The following IMMP2L variants were observed in gnomAD, a reference collection of about 807,000 sequenced individuals.
IMMP2L encodes mitochondrial inner membrane protease subunit 2.
In IMMP2L, 18 loss-of-function variants were observed where a neutral mutation model predicts 19.3. The observed-to-expected ratio is 0.93, with a 90% CI of 0.64 to 1.38. IMMP2L has a LOEUF of 1.38. Ranked by LOEUF, IMMP2L falls within the 40% of genes most tolerant of loss-of-function variation. IMMP2L has a pLI of 0.00. For missense variants in IMMP2L, 233 were observed against 218.2 expected (o/e 1.07, Z -0.43); for synonymous variants, 76 against 73.0 (o/e 1.04, Z -0.21).
At chr7:110,942,082 T>C (rs935807682) in intron 4 of IMMP2L, among the ~76,000 whole-genome samples, 1 of 151,996 alleles carries the variant, frequency 6.6e-6, no homozygotes, top group Non-Finnish European at 1.5e-5. Flanking sequence ...TGTTAATTGG[T>C]TGCTCTAGGT....
chr7:110,744,521 C>T (rs1397271140), intron 5 of IMMP2L, among the ~76,000 whole-genome samples: 1 of 152,126 alleles, frequency 6.6e-6, no homozygotes, highest in Non-Finnish European at 1.5e-5. Flanking sequence ...CTGGTGGGTG[C>T]CCCTCCGGGT....
chr7:111,287,702 G>A (rs1385354345), intron 3 of IMMP2L, among the ~76,000 whole-genome samples: 1 of 152,104 alleles, frequency 6.6e-6, no homozygotes, highest in Non-Finnish European at 1.5e-5. Flanking sequence ...GCCCAGAGTT[G>A]GAGGGAATTG....
intron 3 of IMMP2L, among the ~76,000 whole-genome samples, chr7:110,982,338 C>G (rs988882261): frequency 6.6e-6 from 1 of 152,128 alleles, no homozygotes; most frequent in Non-Finnish European, 1.5e-5. Context: ...TCAGAACTCT[C>G]TATTTAAGGC....
intron 1 of IMMP2L, among the ~76,000 whole-genome samples, chr7:111,526,395 T>C (rs1450998689): frequency 6.6e-6 from 1 of 152,194 alleles, no homozygotes; most frequent in Non-Finnish European, 1.5e-5. Context: ...GAAAGCAGCA[T>C]CAAAATGCTA....
chr7:111,339,618 A>T (rs1826810808), intron 3 of IMMP2L, among the ~76,000 whole-genome samples: 2 of 151,970 alleles, frequency 1.3e-5, no homozygotes, highest in African/African-American at 2.4e-5. Context: ...AGGAGTAATT[A>T]AACAAACTAC....
intron 3 of IMMP2L, among the ~76,000 whole-genome samples, chr7:111,375,754 C>T (rs1047197719): frequency 6.6e-6 from 1 of 152,038 alleles, no homozygotes; most frequent in Non-Finnish European, 1.5e-5. Context: ...GAACTCTTCA[C>T]CTCAAGTGAT....
intron 3 of IMMP2L, among the ~76,000 whole-genome samples, chr7:111,406,938 G>A (rs1314257115): frequency 6.6e-6 from 1 of 152,042 alleles, no homozygotes; most frequent in Non-Finnish European, 1.5e-5. Context: ...AACCTCTGCA[G>A]TGGGTATAGT....
intron 3 of IMMP2L, among the ~76,000 whole-genome samples, chr7:111,228,056 AAAT>A (rs1425524828): frequency 1.3e-5 from 2 of 152,158 alleles, no homozygotes; most frequent in Non-Finnish European, 2.9e-5. Context: ...AATCTATCAG[AAAT>A]AATGTCAGGA....
At position 111,539,196 on chromosome 7, in the gene IMMP2L, GAGAAAGAAAGAAAGAAAGAAAGAAAGAA is replaced by G. The variant is rs56749626; in HGVS notation, c.-2-17775_-2-17748del. Among the ~76,000 whole-genome samples the G allele has an allele frequency of 6.2e-3, 185 of 30,034 alleles. 8 individuals carry two copies. The highest frequency in any genetic ancestry group is 0.026 in the African/African-American group (158 of 5,964). 19.7% of individuals were successfully genotyped at this position (30,034 alleles called of 152,430 possible). A position where few individuals can be genotyped will look rare whatever the true frequency, so the allele number is the denominator to read the frequency against. ...GGAAGGAAGGAAGGAAGGAAGGAGG[GAGAAAGAAAGAAAGAAAGAAAGAAAGAA>G]AGAAAGAAAGAAAGAAAGAAAGAAA... On this transcript the variant is annotated intron_variant, in intron 1 of 5. Transcript: ENST00000405709.
intron 3 of IMMP2L, among the ~76,000 whole-genome samples, chr7:111,249,431 A>G (rs969130188): frequency 9.0e-4 from 132 of 147,450 alleles, no homozygotes; most frequent in Non-Finnish European, 1.8e-3. Flanking sequence ...GGCACTCCCT[A>G]GTGAGATGAA....
intron 2 of IMMP2L, among the ~76,000 whole-genome samples, chr7:111,510,611 G>A (rs935890744): frequency 4.6e-5 from 7 of 151,954 alleles, no homozygotes; most frequent in Non-Finnish European, 1.0e-4. Flanking sequence ...CATAACCCTG[G>A]AGACAATTTC....
chr7:111,451,402 G>A (rs1475308494), intron 3 of IMMP2L, among the ~76,000 whole-genome samples: 3 of 150,458 alleles, frequency 2.0e-5, no homozygotes, highest in African/African-American at 4.9e-5. Flanking sequence ...ATGAGTTCAT[G>A]TCCTTTGTAG....
chr7:110,981,390 C>T (rs1291684332), intron 3 of IMMP2L, among the ~76,000 whole-genome samples: 1 of 151,958 alleles, frequency 6.6e-6, no homozygotes, highest in Non-Finnish European at 1.5e-5. Flanking sequence ...TCTGGTCATG[C>T]CTTATACAGC....
intron 2 of IMMP2L, among the ~76,000 whole-genome samples, chr7:111,488,280 C>T (rs1444219766): frequency 6.6e-6 from 1 of 151,874 alleles, no homozygotes; most frequent in Non-Finnish European, 1.5e-5. Flanking sequence ...TCTGGTGCAC[C>T]CATCACCCGA....
chr7:111,542,110 TA>T (rs1232501197), intron 1 of IMMP2L, among the ~76,000 whole-genome samples: 3 of 152,094 alleles, frequency 2.0e-5, no homozygotes, highest in Non-Finnish European at 4.4e-5. Context: ...ACATAAAATA[TA>T]AAAATATTTG....
intron 3 of IMMP2L, among the ~76,000 whole-genome samples, chr7:111,309,278 A>G (rs1355087240): frequency 1.3e-5 from 2 of 152,200 alleles, no homozygotes; most frequent in Non-Finnish European, 2.9e-5. Context: ...TAAGAATTCT[A>G]TGCCAGGCAA....
At chr7:110,732,472 A>G (rs757830563) in intron 5 of IMMP2L, among the ~76,000 whole-genome samples, 8 of 152,122 alleles carry the variant, frequency 5.3e-5, no homozygotes, top group Non-Finnish European at 1.2e-4. Context: ...ATGATTTGAG[A>G]GCTTGAAATA....
chr7:110,740,155 T>C (rs1276251362), intron 5 of IMMP2L, among the ~76,000 whole-genome samples: 1 of 151,854 alleles, frequency 6.6e-6, no homozygotes, highest in Non-Finnish European at 1.5e-5. Context: ...CTCACAAAAC[T>C]GTAGAAACAA....
In IMMP2L at chr7:111,289,822, T is replaced by C. The variant is rs1393509912; in HGVS notation, c.239+197416A>G. Among the ~76,000 whole-genome samples, 8 of 152,050 alleles carry C rather than the reference T, an allele frequency of 5.3e-5. 1 individual carries two copies. The highest frequency in any genetic ancestry group is 1.7e-4 in the African/African-American group (7 of 41,472). On this transcript the variant is annotated intron_variant, in intron 3 of 5. Transcript: ENST00000405709. ...AGCCTCAGTATACCTACTGTTCTTA[T>C]GCTTGGTTGTTGTGTTTTAAGCCTT...
Sources: gnomAD v4.1 joint callset for allele counts (sites outside exome capture counted in the v4.1 genomes callset) on GRCh38, gnomAD v4.1.1 for gene constraint, MANE v1.5 for transcripts, NCBI Gene and HGNC (gene_info 2026-07-23, HGNC 2026-07-21) for gene names.